Variants in STRBP observed in about 807,000 individuals in gnomAD.
STRBP encodes the protein spermatid perinuclear RNA binding protein.
A neutral mutation model predicts 80.1 loss-of-function variants in STRBP; 13 were observed. The ratio of observed to expected loss-of-function variants is 0.16; its 90% CI spans 0.11 to 0.26. The LOEUF is 0.26. Ranked by LOEUF, STRBP falls within the 10% of genes least tolerant of loss-of-function variation. STRBP has a pLI of 1.00. For synonymous variants in STRBP, 284 were observed against 291.2 expected, an observed-to-expected ratio of 0.98 and a Z score of 0.25; for missense variants, 485 against 815.2, an observed-to-expected ratio of 0.59 and a Z score of 4.93.
intron 2 of STRBP, among the ~76,000 whole-genome samples, chr9:123,194,421 T>C (rs1393510351): frequency 6.6e-6 from 1 of 152,098 alleles, no homozygotes; most frequent in Non-Finnish European, 1.5e-5. Flanking sequence ...TCCTGTATCA[T>C]CCATTTTACC....
chr9:123,230,068 G>A (rs567652970), intron 2 of STRBP, among the ~76,000 whole-genome samples: 2 of 152,264 alleles, frequency 1.3e-5, no homozygotes, highest in South Asian at 4.1e-4. Flanking sequence ...ACTATACAGA[G>A]GAGTTAGCAT....
chr9:123,232,596 T>C (rs1428967437), intron 2 of STRBP, among the ~76,000 whole-genome samples: 6 of 152,148 alleles, frequency 3.9e-5, no homozygotes, highest in Non-Finnish European at 7.3e-5. Flanking sequence ...TCCCAGGAAT[T>C]TGGAATGAAA....
intron 2 of STRBP, among the ~76,000 whole-genome samples, chr9:123,225,039 C>A (rs2040191611): frequency 6.6e-6 from 1 of 152,092 alleles, no homozygotes; most frequent in South Asian, 2.1e-4. Flanking sequence ...ATGAAGTCCA[C>A]AAATATTGAA....
At chr9:123,212,897 A>G (rs988011431) in intron 2 of STRBP, among the ~76,000 whole-genome samples, 2 of 152,250 alleles carry the variant, frequency 1.3e-5, no homozygotes, top group Non-Finnish European at 2.9e-5. Flanking sequence ...ATAAATTTTA[A>G]AACTCTCACA....
chr9:123,160,501 A>G lies in STRBP; in HGVS notation c.628-39T>C, dbSNP rs368629779. The G allele has an allele frequency of 1.4e-5, 21 of 1,496,950 alleles. No individual in the cohort carries two copies. The African/African-American group carries it at 2.6e-4, about 19-fold the overall frequency. The allele number at this position is 1,496,950 out of a possible 1,614,324, so 92.7% of individuals were successfully genotyped here. The stretch of plus-strand genomic sequence containing the variant: ...AATGATTCCAGATATCCCTATTGAG[A>G]TCTATTCTTCATTTTGGGCAAGTTC... On this transcript the variant is annotated intron_variant, in intron 7 of 18. Transcript: ENST00000348403.
chr9:123,215,583 G>C lies in STRBP; in HGVS notation c.-165+21247C>G, dbSNP rs548288155. 3.3e-5 allele frequency among the ~76,000 whole-genome samples: 5 copies of C among 152,244 alleles called. No homozygotes were observed. The South Asian group carries it at 1.0e-3, about 32-fold the overall frequency. On this transcript the variant is annotated intron_variant, in intron 2 of 18. Coordinates refer to ENST00000348403, the MANE Select transcript of STRBP (RefSeq NM_018387.5). ...CCAAATTACCTGAGGTCAGGAGTTT[G>C]AGACCAGCCTGGCCAACATGGTGAA...
At chr9:123,221,527 T>C (rs955455617) in intron 2 of STRBP, among the ~76,000 whole-genome samples, 3 of 152,254 alleles carry the variant, frequency 2.0e-5, no homozygotes, top group African/African-American at 7.2e-5. Flanking sequence ...AAATTAACAC[T>C]TGTGTACTCT....
intron 1 of STRBP, among the ~76,000 whole-genome samples, chr9:123,255,430 C>A (rs78500259): frequency 0.015 from 2,350 of 152,302 alleles, 32 homozygotes; most frequent in South Asian, 0.061. Flanking sequence ...AACTGCTCAT[C>A]TGTTTTCTTC....
intron 17 of STRBP, among the ~76,000 whole-genome samples, chr9:123,130,883 T>G (rs2036108084): frequency 6.6e-6 from 1 of 152,180 alleles, no homozygotes; most frequent in South Asian, 2.1e-4. Context: ...ATCTGTTCTC[T>G]TCTGGTCTCC....
At chr9:123,167,108 C>T (rs1327674922) in intron 6 of STRBP, among the ~76,000 whole-genome samples, 1 of 152,044 alleles carries the variant, frequency 6.6e-6, no homozygotes, top group Admixed American at 6.5e-5. Context: ...TGCTCTCAAC[C>T]ACTCTTTTTT....
chr9:123,175,091 C>T (rs1439198349), intron 4 of STRBP, among the ~76,000 whole-genome samples: 1 of 152,158 alleles, frequency 6.6e-6, no homozygotes, highest in Non-Finnish European at 1.5e-5. Flanking sequence ...TTAAATCTCA[C>T]CACAAGCCTC....
chr9:123,201,075 G>A (rs1256160380), intron 2 of STRBP, among the ~76,000 whole-genome samples: 2 of 152,012 alleles, frequency 1.3e-5, no homozygotes, highest in Non-Finnish European at 2.9e-5. Flanking sequence ...GGTGTCAAGT[G>A]CAATGTCACC....
intron 6 of STRBP, among the ~76,000 whole-genome samples, chr9:123,165,710 G>A (rs1424461727): frequency 6.6e-6 from 1 of 152,140 alleles, no homozygotes; most frequent in Non-Finnish European, 1.5e-5. Flanking sequence ...GACCAGATCA[G>A]CCTAACCACT....
At chr9:123,203,268 C>A (rs1325273016) in intron 2 of STRBP, among the ~76,000 whole-genome samples, 1 of 151,540 alleles carries the variant, frequency 6.6e-6, no homozygotes, top group African/African-American at 2.4e-5. Context: ...ATCACTTGAG[C>A]CCGGAAGTTT....
intron 17 of STRBP, among the ~76,000 whole-genome samples, chr9:123,129,811 A>C (rs185788987): frequency 1.7e-4 from 26 of 152,314 alleles, no homozygotes; most frequent in Admixed American, 1.4e-3. Flanking sequence ...GGACCAACTG[A>C]AACAGTTCTG....
At chr9:123,151,539 C>T (rs1370330232) in intron 11 of STRBP, among the ~76,000 whole-genome samples, 1 of 152,110 alleles carries the variant, frequency 6.6e-6, no homozygotes, top group South Asian at 2.1e-4. Flanking sequence ...GAGTTAACTA[C>T]AAAATCTTCA....
At chr9:123,157,825 G>A (rs756773964) in intron 11 of STRBP, among the ~76,000 whole-genome samples, 187 bp downstream of exon 11, 8 of 151,688 alleles carry the variant, frequency 5.3e-5, no homozygotes, top group South Asian at 2.1e-4. Flanking sequence ...TAGGGATTAC[G>A]GGAACTACAA....
chr9:123,195,564 T>C (rs1213523716), intron 2 of STRBP, among the ~76,000 whole-genome samples: 1 of 152,032 alleles, frequency 6.6e-6, no homozygotes, highest in Non-Finnish European at 1.5e-5. Context: ...GCAAACACTC[T>C]GAAAGAAATC....
In STRBP at chr9:123,122,458, GA is replaced by G; in HGVS notation, c.*3138del. 8.9e-7 allele frequency: 1 copy of G among 1,125,132 alleles called. No individual in the cohort carries two copies. Among genetic ancestry groups the G allele is most frequent in the African/African-American group, 1.9e-5 (1 of 52,716 alleles). 69.7% of individuals were successfully genotyped at this position (1,125,132 alleles called of 1,614,324 possible). A position where few individuals can be genotyped will look rare whatever the true frequency, so the allele number is the denominator to read the frequency against. ...CCAAAATTAAAAAAAAAAAAAAAAAGAAAAGGCCAATACCAGCAAAATCTCT... is the reference window on the plus strand; with the variant it reads ...CCAAAATTAAAAAAAAAAAAAAAAAGAAAGGCCAATACCAGCAAAATCTCT... On this transcript the variant is annotated 3_prime_UTR_variant, in exon 19 of 19. Transcript: ENST00000348403.
Sources: gnomAD v4.1 joint callset for allele counts (sites outside exome capture counted in the v4.1 genomes callset) on GRCh38, gnomAD v4.1.1 for gene constraint, MANE v1.5 for transcripts, NCBI Gene and HGNC (gene_info 2026-07-23, HGNC 2026-07-21) for gene names.